TMEM200C: variants seen among roughly 807,000 people sequenced by gnomAD.
TMEM200C encodes transmembrane protein 200C.
For synonymous variants in TMEM200C, 462 were observed against 324.7 expected, an observed-to-expected ratio of 1.42 and a Z score of -4.55; for missense variants, 966 against 699.9, an observed-to-expected ratio of 1.38 and a Z score of -4.29.
exon 3 of TMEM200C, chr18:5,890,755 G>A (rs1464345565): frequency 5.0e-6 from 3 of 600,698 alleles, no homozygotes; most frequent in South Asian, 1.8e-5. Context: ...TCCGGCTCCC[G>A]GCGCGCCCCG....
exon 3 of TMEM200C, chr18:5,886,048 C>T (rs1315802617): frequency 2.0e-5 from 3 of 151,902 alleles, no homozygotes; most frequent in African/African-American, 4.8e-5. Context: ...ATTTTTATAT[C>T]GTGGCAAAAA....
intron 1 of TMEM200C, 82 bp from the exon 1 acceptor site, chr18:5,895,604 C>T (rs1357339049): frequency 6.9e-6 from 1 of 145,980 alleles, no homozygotes; most frequent in East Asian, 2.1e-4. Context: ...CTCCGGCGCC[C>T]CCCCCCACGC....
intron 2 of TMEM200C, 113 bp from the exon 2 acceptor site, chr18:5,892,270 C>A (rs1278556923): frequency 8.3e-6 from 5 of 603,232 alleles, no homozygotes; most frequent in Non-Finnish European, 1.5e-5. Context: ...ACCCCAGGGC[C>A]TTTATCCACT....
chr18:5,882,754 T>C (rs1294368804), exon 3 of TMEM200C: 2 of 152,150 alleles, frequency 1.3e-5, no homozygotes, highest in Admixed American at 6.5e-5. Flanking sequence ...TTTAAAGTAG[T>C]AATCCCAAGC....
chr18:5,893,107 T>C (rs935878974), intron 2 of TMEM200C, among the ~76,000 whole-genome samples: 2 of 152,164 alleles, frequency 1.3e-5, no homozygotes, highest in African/African-American at 4.8e-5. Flanking sequence ...TTTTCTCATA[T>C]GGGAAAATTA....
chr18:5,886,509 T>C (rs1373353502), exon 3 of TMEM200C: 1 of 152,172 alleles, frequency 6.6e-6, no homozygotes, highest in African/African-American at 2.4e-5. Context: ...GTCTAACTTT[T>C]CTTTCTGATA....
chr18:5,890,773 T>C, exon 3 of TMEM200C: 1 of 630,710 alleles, frequency 1.6e-6, no homozygotes, highest in Non-Finnish European at 2.8e-6. Flanking sequence ...CCGCGCATGC[T>C]GCCCTCTGCG....
At chr18:5,890,353 C>T in exon 3 of TMEM200C, 9 of 1,598,436 alleles carry the variant, frequency 5.6e-6, no homozygotes, top group Non-Finnish European at 7.7e-6. Flanking sequence ...GAGCTCTGCT[C>T]CGCACCCAGA....
rs764105962 is a variant in TMEM200C, at chr18:5,891,762, G to A, written c.302C>T (p.Thr101Met). The A allele has an allele frequency of 1.2e-6, 2 of 1,610,292 alleles. No individual in the cohort carries two copies. Among genetic ancestry groups the A allele is most frequent in the Non-Finnish European group, 1.7e-6 (2 of 1,179,510 alleles). ...GCTGCCACTGCTACTGCTGTTGGCC[G>A]TGGTTGGGACCCGGTGGCTGCTGCC... The change falls in exon 3 of 3, where the codon ACG (threonine) becomes ATG (methionine). Residue 101 changes from threonine (T) to methionine (M), a missense_variant. Thr to Met is a moderately conservative substitution (Grantham distance 81). Transcript: ENST00000581347. The surrounding 1 kb of genome is among the most constrained non-coding windows in gnomAD (Gnocchi z 4.7).
In TMEM200C at chr18:5,891,968, C is replaced by G. The variant is rs767479527; in HGVS notation, c.96G>C (p.Lys32Asn). ...CCACCACGTCGTTCTTGCGCCTCTT[C>G]TTGGCTTTCCGCTTGCGCTTGGGTA... The change falls in exon 3 of 3, where the codon AAG becomes AAC. Residue 32 changes from lysine (K) to asparagine (N), a missense_variant. Lys to Asn is a moderately conservative substitution (Grantham distance 94). Coordinates refer to ENST00000581347, the Ensembl canonical transcript of TMEM200C. This position sits in a 1 kb window ranked among gnomAD's most constrained non-coding sequence, Gnocchi z 4.7. 1.2e-6 allele frequency: 2 copies of G among 1,614,004 alleles called. No homozygotes were observed. The highest frequency in any genetic ancestry group is 2.7e-5 in the African/African-American group (2 of 75,066).
exon 3 of TMEM200C, chr18:5,882,826 G>C (rs2095162745): frequency 6.6e-6 from 1 of 152,020 alleles, no homozygotes. Flanking sequence ...GAAATACAAA[G>C]AGAATAAATT....
chr18:5,890,917 G>A (rs1440128761), exon 3 of TMEM200C: 1 of 678,866 alleles, frequency 1.5e-6, no homozygotes, highest in South Asian at 1.5e-5. Context: ...CCTTGCAAGG[G>A]CAGCAGCGCG....
At chr18:5,889,466 C>T (rs1366562986) in exon 3 of TMEM200C, 3 of 152,104 alleles carry the variant, frequency 2.0e-5, no homozygotes, top group Non-Finnish European at 2.9e-5. Context: ...AATATTAATG[C>T]TATTTTCAAT....
chr18:5,891,371 A>AGAGGCGGCGGCGGCC lies in TMEM200C; in HGVS notation c.678_692dup (p.Ala227_Ser231dup). On this transcript the variant is annotated inframe_insertion, in exon 3 of 3. Coordinates refer to ENST00000581347, the Ensembl canonical transcript of TMEM200C. The surrounding 1 kb of genome is among the most constrained non-coding windows in gnomAD (Gnocchi z 4.7). ...CCGCGGCGGGGGCAGACGACGACGA[A>AGAGGCGGCGGCGGCC]GAGGCGGCGGCGGCCGCGGCGGCGG... The AGAGGCGGCGGCGGCC allele has an allele frequency of 7.4e-7, 1 of 1,344,874 alleles. No homozygotes were observed. Among genetic ancestry groups the AGAGGCGGCGGCGGCC allele is most frequent in the Non-Finnish European group, 9.5e-7 (1 of 1,054,180 alleles). The allele number at this position is 1,344,874 out of a possible 1,614,324, so 83.3% of individuals were successfully genotyped here.
exon 3 of TMEM200C, chr18:5,885,760 C>A (rs779687586): frequency 6.6e-6 from 1 of 152,148 alleles, no homozygotes; most frequent in Non-Finnish European, 1.5e-5. Flanking sequence ...AAAGAAGAAT[C>A]TCATTCCTTT....
exon 3 of TMEM200C, chr18:5,888,818 T>G (rs2095167385): frequency 6.6e-6 from 1 of 152,212 alleles, no homozygotes; most frequent in South Asian, 2.1e-4. Context: ...GAGATATGTC[T>G]GGTTCTCTTC....
chr18:5,894,124 G>A (rs1243887223), intron 2 of TMEM200C, among the ~76,000 whole-genome samples: 1 of 152,090 alleles, frequency 6.6e-6, no homozygotes, highest in African/African-American at 2.4e-5. Context: ...CTCTCCCACC[G>A]CAGAAAGGCT....
rs2095169783 is a variant in TMEM200C at position 5,890,786 on chromosome 18, G to A, written c.1278C>T (p.Arg426=). The A allele has an allele frequency of 1.1e-5, 7 of 649,168 alleles. No individual in the cohort carries two copies. The East Asian group carries it at 2.3e-4, about 21-fold the overall frequency. The allele number at this position is 649,168 out of a possible 1,614,324, so 40.2% of individuals were successfully genotyped here. Residue 426 remains arginine (R), a synonymous_variant, in exon 3 of 3, where the codon CGC becomes CGT. Transcript: ENST00000581347. ...CCCCGCGCATGCTGCCCTCTGCGCC[G>A]CGGAGGTTGGTCATGCTCAGGTCGA...
At chr18:5,890,224 C>T in exon 3 of TMEM200C, 3 of 1,567,632 alleles carry the variant, frequency 1.9e-6, no homozygotes, top group South Asian at 2.4e-5. Context: ...TCCAGTTCTT[C>T]TTCTACCCCT....
Sources: gnomAD v4.1 joint callset for allele counts (sites outside exome capture counted in the v4.1 genomes callset) on GRCh38, gnomAD v4.1.1 for gene constraint, Gnocchi (gnomAD v3.1) non-coding constraint, MANE v1.5 for transcripts, NCBI Gene and HGNC (gene_info 2026-07-23, HGNC 2026-07-21) for gene names.